POLN: variants seen among roughly 807,000 people sequenced by gnomAD.
The protein encoded by POLN is DNA polymerase nu, also known as DNA polymerase N.
Under a neutral mutation model 113.5 loss-of-function variants are expected in POLN, and 108 were observed. The observed-to-expected ratio is 0.95, with a 90% CI of 0.81 to 1.12. The LOEUF is 1.12. Among genes scored for constraint, POLN ranks in the 50% most tolerant of loss-of-function variants. The pLI, the probability that POLN is intolerant of heterozygous loss-of-function variation, is 0.00. For synonymous variants in POLN, 386 were observed against 391.5 expected, an observed-to-expected ratio of 0.99 and a Z score of 0.17; for missense variants, 1,097 against 1,077.1, an observed-to-expected ratio of 1.02 and a Z score of -0.26.
In POLN at chr4:2,186,346, C is replaced by T. The variant is rs1446595322; in HGVS notation, c.1021+6858G>A. Among the ~76,000 whole-genome samples, 3 of 152,078 alleles carry T rather than the reference C, an allele frequency of 2.0e-5. No homozygotes were observed. In the East Asian group the frequency reaches 5.8e-4, roughly 29 times the overall value. ...AGACTAGCAGACACTCGGCTCTGTACCATAGACAGAGGAGACACCAAATCA... is the reference window on the plus strand; with the variant it reads ...AGACTAGCAGACACTCGGCTCTGTATCATAGACAGAGGAGACACCAAATCA... On this transcript the variant is annotated intron_variant, in intron 7 of 25. Coordinates refer to ENST00000511885, the MANE Select transcript of POLN (RefSeq NM_181808.4).
intron 19 of POLN, among the ~76,000 whole-genome samples, chr4:2,101,777 C>G (rs1730932627): frequency 6.6e-6 from 1 of 152,230 alleles, no homozygotes. Context: ...ACAACTAGAA[C>G]TGGGAAGCAA....
chr4:2,119,251 T>C (rs1731385275), intron 19 of POLN, among the ~76,000 whole-genome samples: 1 of 152,254 alleles, frequency 6.6e-6, no homozygotes, highest in African/African-American at 2.4e-5. Context: ...CTGAGTTGAA[T>C]GCACAGCTGA....
rs990277678 is a variant in POLN at position 2,081,652 on chromosome 4, T to C, written c.2289A>G (p.Ala763=). The C allele has an allele frequency of 1.6e-5, 26 of 1,614,102 alleles. No individual in the cohort carries two copies. The highest frequency in any genetic ancestry group is 2.1e-5 in the Non-Finnish European group (25 of 1,180,042). The change falls in exon 22 of 26, where the codon GCA becomes GCG. Residue 763 remains alanine (A), a synonymous_variant. Transcript: ENST00000511885. ...QQLRAQAERQ[A]VNFVVQGSAA... is the part of the protein sequence containing the mutation. ...TGGTACCTTGCACCACGAAGTTCAC[T>C]GCCTGTCGCTCTGCTTGTGCCCGGA...
At chr4:2,153,588 A>AT (rs1169222386) in intron 16 of POLN, among the ~76,000 whole-genome samples, 2,843 of 145,728 alleles carry the variant, frequency 0.02, 38 homozygotes, top group Non-Finnish European at 0.025. Context: ...TATTTGTATA[A>AT]TTTTTTTTTT....
chr4:2,074,065 G>C (rs1299638469), intron 24 of POLN, among the ~76,000 whole-genome samples: 1 of 152,220 alleles, frequency 6.6e-6, no homozygotes, highest in African/African-American at 2.4e-5. Flanking sequence ...CCTCATGCTG[G>C]CTGGGGCTAC....
At position 2,093,512 on chromosome 4, in the gene POLN, G is replaced by A. The variant is rs1730713004; in HGVS notation, c.2065+2339C>T. Among the ~76,000 whole-genome samples, 3 of 152,230 alleles carry A rather than the reference G, an allele frequency of 2.0e-5. No individual in the cohort carries two copies. Among genetic ancestry groups the A allele is most frequent in the Admixed American group, 2.0e-4 (3 of 15,290 alleles). ...AGGCCACACAGTCAGGAGCTGATAG[G>A]GTTGGGGATCAAGCCCAGGCTGCCG... On this transcript the variant is annotated intron_variant, in intron 20 of 25. Transcript: ENST00000511885. The surrounding 1 kb of genome is among the most constrained non-coding windows in gnomAD (Gnocchi z 4.1).
At chr4:2,101,488 G>C (rs549583293) in intron 19 of POLN, among the ~76,000 whole-genome samples, 28 of 152,362 alleles carry the variant, frequency 1.8e-4, no homozygotes, top group Non-Finnish European at 2.6e-4. Flanking sequence ...AGTACCGGAG[G>C]GGGTGATAAT....
chr4:2,087,391 C>T (rs1406259710), intron 20 of POLN, among the ~76,000 whole-genome samples: 1 of 152,198 alleles, frequency 6.6e-6, no homozygotes, highest in African/African-American at 2.4e-5. Context: ...ATTCCATTGG[C>T]TCTCAGAAAG....
intron 16 of POLN, among the ~76,000 whole-genome samples, chr4:2,150,746 G>A (rs560594528): frequency 7.2e-5 from 11 of 152,280 alleles, no homozygotes; most frequent in African/African-American, 1.9e-4. Flanking sequence ...AGGAAAGATG[G>A]TCTTTTCAAG....
At chr4:2,142,305 G>C (rs954631748) in intron 16 of POLN, among the ~76,000 whole-genome samples, 1 of 152,202 alleles carries the variant, frequency 6.6e-6, no homozygotes, top group Non-Finnish European at 1.5e-5. Context: ...AAGTAATAGA[G>C]GCCTCAGCCC....
intron 3 of POLN, among the ~76,000 whole-genome samples, chr4:2,227,295 C>T (rs1224144568): frequency 2.0e-5 from 3 of 152,162 alleles, no homozygotes; most frequent in Non-Finnish European, 2.9e-5. Context: ...TGAAAGTCTA[C>T]AAGAAACTGA....
At chr4:2,177,652 C>A (rs888405400) in intron 8 of POLN, among the ~76,000 whole-genome samples, 1 of 152,230 alleles carries the variant, frequency 6.6e-6, no homozygotes, top group Admixed American at 6.5e-5. Context: ...CCTTTCTATA[C>A]CTCAGTTTTC....
chr4:2,198,640 G>A lies in POLN; in HGVS notation c.792C>T (p.Ala264=). The change falls in exon 6 of 26, where the codon GCC becomes GCT. Residue 264 remains alanine (A), a synonymous_variant. Coordinates refer to ENST00000511885, the MANE Select transcript of POLN (RefSeq NM_181808.4). ...QAEGGHGCPD[A]PACGPVLEGF... ...CCTCCAGAACAGGACCACAGGCCGG[G>A]GCATCTGGACAGCCATGGCCACCCT... 2 of 1,613,716 alleles carry A rather than the reference G, an allele frequency of 1.2e-6. No individual in the cohort carries two copies. Among genetic ancestry groups the A allele is most frequent in the Non-Finnish European group, 1.7e-6 (2 of 1,179,936 alleles).
intron 13 of POLN, 58 bp from the exon 14 acceptor site, chr4:2,159,269 G>A (rs541668415): frequency 3.0e-5 from 41 of 1,373,696 alleles, no homozygotes; most frequent in African/African-American, 1.2e-4. Context: ...TTTTAAACAC[G>A]TATTTTCATC....
chr4:2,092,929 A>G (rs1730701538), intron 20 of POLN, among the ~76,000 whole-genome samples: 1 of 152,256 alleles, frequency 6.6e-6, no homozygotes, highest in South Asian at 2.1e-4. Context: ...GTGGATACAC[A>G]GTAATTCCAG....
At chr4:2,087,283 T>C (rs1730571980) in intron 20 of POLN, among the ~76,000 whole-genome samples, 1 of 152,262 alleles carries the variant, frequency 6.6e-6, no homozygotes, top group African/African-American at 2.4e-5. Flanking sequence ...TGTGTTTTGC[T>C]ACACTTTGCT....
chr4:2,236,166 A>G, intron 2 of POLN: 1 of 951,350 alleles, frequency 1.1e-6, no homozygotes. Flanking sequence ...CATTTTCTTT[A>G]ATATCTTTTA....
At chr4:2,205,962 A>G (rs1733833060) in intron 5 of POLN, among the ~76,000 whole-genome samples, 1 of 152,116 alleles carries the variant, frequency 6.6e-6, no homozygotes, top group African/African-American at 2.4e-5. Flanking sequence ...AAGCAAAAAG[A>G]GCAAATCTGG....
chr4:2,232,135 A>C, intron 2 of POLN: 1 of 1,559,186 alleles, frequency 6.4e-7, no homozygotes, highest in Non-Finnish European at 8.7e-7. Flanking sequence ...TTGAGATTCA[A>C]CTTTATGAAA....
Sources: allele counts gnomAD v4.1 joint callset (sites outside exome capture counted in the v4.1 genomes callset), GRCh38; gene constraint gnomAD v4.1.1; non-coding constraint Gnocchi (gnomAD v3.1); transcripts MANE v1.5; gene names NCBI Gene and HGNC (gene_info 2026-07-23, HGNC 2026-07-21).